ATP8A2: variants seen among roughly 807,000 people sequenced by gnomAD.
The protein encoded by ATP8A2 is phospholipid-transporting ATPase IB.
Under a neutral mutation model 165.6 loss-of-function variants are expected in ATP8A2, and 100 were observed. The ratio of observed to expected loss-of-function variants is 0.60; its 90% CI spans 0.51 to 0.71. ATP8A2 has a LOEUF of 0.71. Ranked by LOEUF, ATP8A2 falls within the 30% of genes least tolerant of loss-of-function variation. The pLI is 0.00. For missense variants in ATP8A2, 1,227 were observed against 1,479.5 expected, an observed-to-expected ratio of 0.83 and a Z score of 2.80; for synonymous variants, 543 against 548.8, an observed-to-expected ratio of 0.99 and a Z score of 0.15.
At chr13:25,703,093 T>G (rs1473384007) in intron 25 of ATP8A2, among the ~76,000 whole-genome samples, 1 of 152,174 alleles carries the variant, frequency 6.6e-6, no homozygotes, top group Non-Finnish European at 1.5e-5. Flanking sequence ...TTTGTTTGTT[T>G]GTTTTGAGAC....
At chr13:26,017,952 G>A (rs1399882566) in intron 36 of ATP8A2, among the ~76,000 whole-genome samples, 1 of 152,218 alleles carries the variant, frequency 6.6e-6, no homozygotes, top group Non-Finnish European at 1.5e-5. Flanking sequence ...AGAAATGGAG[G>A]TGAGCAAGTA....
At chr13:25,671,639 A>G (rs894508018) in intron 24 of ATP8A2, among the ~76,000 whole-genome samples, 1 of 152,134 alleles carries the variant, frequency 6.6e-6, no homozygotes, top group Non-Finnish European at 1.5e-5. Context: ...CAGGCTTATT[A>G]GGAAGAGGAA....
At chr13:25,667,302 A>G (rs2042174490) in intron 24 of ATP8A2, among the ~76,000 whole-genome samples, 1 of 152,102 alleles carries the variant, frequency 6.6e-6, no homozygotes, top group Admixed American at 6.6e-5. Context: ...GAACCCCAGC[A>G]TGGCAGTATT....
At chr13:25,681,807 G>T (rs549346462) in intron 24 of ATP8A2, among the ~76,000 whole-genome samples, 1 of 152,276 alleles carries the variant, frequency 6.6e-6, no homozygotes, top group South Asian at 2.1e-4. Flanking sequence ...GATCATCTTA[G>T]ATGTTGTTGG....
rs147453668 is a variant in ATP8A2, at chr13:25,486,639, A to G, written c.221+17518A>G. ...ATTTTAAAATTAGGACAGCATCAAC[A>G]TGGCTCCACATATACCCGTGGAACA... On this transcript the variant is annotated intron_variant, in intron 2 of 36. Transcript: ENST00000381655. 5.0e-3 allele frequency among the ~76,000 whole-genome samples: 758 copies of G among 152,318 alleles called. 5 individuals carry two copies. Among genetic ancestry groups the G allele is most frequent in the African/African-American group, 0.018 (735 of 41,564 alleles).
At chr13:25,396,955 T>C (rs1371108418) in intron 1 of ATP8A2, among the ~76,000 whole-genome samples, 2 of 151,956 alleles carry the variant, frequency 1.3e-5, no homozygotes, top group African/African-American at 2.4e-5. Flanking sequence ...CCTGGGCCCA[T>C]GGCGGACCAG....
chr13:25,847,689 G>A (rs376470163), intron 30 of ATP8A2, among the ~76,000 whole-genome samples: 36 of 152,254 alleles, frequency 2.4e-4, no homozygotes, highest in African/African-American at 8.2e-4. Flanking sequence ...CATTGTTCGC[G>A]GGTGTGTTGA....
chr13:25,785,257 G>A lies in ATP8A2; in HGVS notation c.2679+10298G>A, dbSNP rs182077541. On this transcript the variant is annotated intron_variant, in intron 27 of 36. Coordinates refer to ENST00000381655, the MANE Select transcript of ATP8A2 (RefSeq NM_016529.6). ...GTACTAAAAATACAAAAAGTTAACCGGACATGGGGGCACACACCTGTAATC... is the reference window on the plus strand; with the variant it reads ...GTACTAAAAATACAAAAAGTTAACCAGACATGGGGGCACACACCTGTAATC... 5.2e-3 allele frequency among the ~76,000 whole-genome samples: 794 copies of A among 151,710 alleles called. 5 individuals carry two copies. The highest frequency in any genetic ancestry group is 0.018 in the African/African-American group (759 of 41,402).
At chr13:25,935,050 C>CTA (rs758981815) in intron 33 of ATP8A2, among the ~76,000 whole-genome samples, 113 of 152,074 alleles carry the variant, frequency 7.4e-4, no homozygotes, top group Middle Eastern at 3.4e-3. Context: ...CTAAGCTAAG[C>CTA]TATATATATA....
chr13:25,640,502 A>G (rs1185136550), intron 24 of ATP8A2, among the ~76,000 whole-genome samples: 1 of 152,244 alleles, frequency 6.6e-6, no homozygotes, highest in Non-Finnish European at 1.5e-5. Context: ...TAGAAAGTCT[A>G]GAAGAAATGG....
intron 28 of ATP8A2, among the ~76,000 whole-genome samples, chr13:25,831,360 G>A (rs559656987): frequency 2.6e-5 from 4 of 151,568 alleles, no homozygotes; most frequent in Non-Finnish European, 4.4e-5. Context: ...GATTACAGTC[G>A]CCCGCCACCG....
chr13:25,757,855 C>G (rs919578271), intron 25 of ATP8A2, among the ~76,000 whole-genome samples: 1 of 152,110 alleles, frequency 6.6e-6, no homozygotes, highest in Non-Finnish European at 1.5e-5. Context: ...GTCTGGCTCA[C>G]TCTGGCCTTT....
intron 6 of ATP8A2, among the ~76,000 whole-genome samples, chr13:25,534,419 G>A (rs4257084): frequency 0.53 from 80,440 of 151,962 alleles, 22,232 homozygotes; most frequent in Middle Eastern, 0.6. Flanking sequence ...TATTTCTCTA[G>A]GGTTCTTCTT....
chr13:25,774,888 T>C lies in ATP8A2; in HGVS notation c.2608T>C (p.Trp870Arg). ...GAAGCTTCTGTTGGTTCATGGAGCC[T>C]GGAGCTACAACCGGGTGACCAAGTG... ...LEKLLLVHGAWSYNRVTKCIL... is the reference protein window; with the variant it reads ...LEKLLLVHGARSYNRVTKCIL... The change falls in exon 27 of 37, where the codon TGG becomes CGG. Residue 870 changes from tryptophan to arginine, a missense_variant. Coordinates refer to ENST00000381655, the MANE Select transcript of ATP8A2 (RefSeq NM_016529.6). The C allele has an allele frequency of 6.2e-7, 1 of 1,613,806 alleles. No individual in the cohort carries two copies. Among genetic ancestry groups the C allele is most frequent in the African/African-American group, 1.3e-5 (1 of 75,058 alleles).
chr13:25,894,541 C>T (rs113178732), intron 33 of ATP8A2, among the ~76,000 whole-genome samples: 4 of 151,826 alleles, frequency 2.6e-5, no homozygotes, highest in Non-Finnish European at 4.4e-5. Context: ...TCCATATGAA[C>T]TTTAAAGTAG....
At chr13:25,405,622 T>TGCCTC (rs1199462494) in intron 1 of ATP8A2, among the ~76,000 whole-genome samples, 9 of 152,128 alleles carry the variant, frequency 5.9e-5, no homozygotes, top group African/African-American at 2.2e-4. Context: ...ACTTGTAACC[T>TGCCTC]GCCTCTCCAG....
At chr13:25,867,697 G>T (rs1314608829) in intron 33 of ATP8A2, among the ~76,000 whole-genome samples, 2 of 152,152 alleles carry the variant, frequency 1.3e-5, no homozygotes, top group Non-Finnish European at 2.9e-5. Context: ...GAAGCCTGAA[G>T]GAGACACAGG....
At chr13:25,531,242 ATG>A in intron 4 of ATP8A2, among the ~76,000 whole-genome samples, 1 of 58,460 alleles carries the variant, frequency 1.7e-5, no homozygotes, top group Non-Finnish European at 3.2e-5. Flanking sequence ...TATGATATAT[ATG>A]TTATATATGA....
intron 23 of ATP8A2, among the ~76,000 whole-genome samples, chr13:25,588,344 C>T (rs905594333): frequency 6.6e-6 from 1 of 152,124 alleles, no homozygotes; most frequent in East Asian, 1.9e-4. Context: ...TAATTTTTGT[C>T]TATCTTGAAT....
Sources: gnomAD v4.1 joint callset for allele counts (sites outside exome capture counted in the v4.1 genomes callset) on GRCh38, gnomAD v4.1.1 for gene constraint, MANE v1.5 for transcripts, NCBI Gene and HGNC (gene_info 2026-07-23, HGNC 2026-07-21) for gene names.